CCBE1: variants seen among roughly 807,000 people sequenced by gnomAD.
CCBE1 encodes collagen and calcium binding EGF domains 1, also known as collagen and calcium-binding EGF domain-containing protein 1.
CCBE1 carries 37 observed loss-of-function variants against 50.0 expected under a neutral mutation model. The ratio of observed to expected loss-of-function variants is 0.74; its 90% CI spans 0.57 to 0.97. CCBE1 has a LOEUF of 0.97. CCBE1 is among the 50% of genes least tolerant of loss of function. The pLI is 0.00. For synonymous variants in CCBE1, 234 were observed against 203.7 expected, an observed-to-expected ratio of 1.15 and a Z score of -1.27; for missense variants, 538 against 523.8, an observed-to-expected ratio of 1.03 and a Z score of -0.26.
chr18:59,675,103 T>C (rs1205721365), intron 2 of CCBE1, among the ~76,000 whole-genome samples: 2 of 152,186 alleles, frequency 1.3e-5, no homozygotes, highest in African/African-American at 2.4e-5. Flanking sequence ...AAAGTTAAGA[T>C]AAGTTGTAGC....
At chr18:59,532,121 A>G (rs567337977) in intron 2 of CCBE1, among the ~76,000 whole-genome samples, 2 of 152,272 alleles carry the variant, frequency 1.3e-5, no homozygotes, top group African/African-American at 4.8e-5. Context: ...GCTGGAGGGC[A>G]ATGGCATGAT....
At chr18:59,645,394 A>G (rs2054042983) in intron 2 of CCBE1, among the ~76,000 whole-genome samples, 1 of 152,248 alleles carries the variant, frequency 6.6e-6, no homozygotes, top group Non-Finnish European at 1.5e-5. Flanking sequence ...CACAAACGGC[A>G]GACAAGTCCC....
chr18:59,571,067 G>C (rs543328307), intron 2 of CCBE1, among the ~76,000 whole-genome samples: 2 of 152,268 alleles, frequency 1.3e-5, no homozygotes, highest in South Asian at 4.1e-4. Flanking sequence ...TATAATAGCA[G>C]TCAGTCCCTA....
intron 2 of CCBE1, among the ~76,000 whole-genome samples, chr18:59,533,555 A>G (rs1915131434): frequency 6.6e-6 from 1 of 152,236 alleles, no homozygotes; most frequent in South Asian, 2.1e-4. Context: ...AATAATGTAA[A>G]TAGTTTTAAC....
At chr18:59,579,195 T>A (rs1407220951) in intron 2 of CCBE1, among the ~76,000 whole-genome samples, 1 of 152,184 alleles carries the variant, frequency 6.6e-6, no homozygotes, top group Non-Finnish European at 1.5e-5. Flanking sequence ...ACTGTAATTG[T>A]GTATTTGATA....
rs556246517 is a variant in CCBE1, at chr18:59,618,724, G to A, written c.212+77905C>T. 5.9e-5 allele frequency among the ~76,000 whole-genome samples: 9 copies of A among 152,142 alleles called. No homozygotes were observed. The East Asian group carries it at 1.5e-3, about 26-fold the overall frequency. ...ATTATAGGCATGAGCCACCACACCC[G>A]GCCTAGAAAAGTTTCTTTGCAGCTA... is the stretch of plus-strand genomic sequence containing the variant. On this transcript the variant is annotated intron_variant, in intron 2 of 10. Transcript: ENST00000439986.
intron 2 of CCBE1, among the ~76,000 whole-genome samples, chr18:59,655,010 C>T (rs1262998455): frequency 1.3e-5 from 2 of 148,980 alleles, no homozygotes; most frequent in African/African-American, 4.9e-5. Flanking sequence ...TCACTTAAAC[C>T]TGGGAGGCGG....
intron 2 of CCBE1, among the ~76,000 whole-genome samples, chr18:59,609,890 T>G (rs7227311): frequency 0.41 from 63,082 of 152,034 alleles, 13,534 homozygotes; most frequent in East Asian, 0.65. Flanking sequence ...GATTGGGCAA[T>G]ATTTCCATTT....
At chr18:59,571,734 G>A (rs898480430) in intron 2 of CCBE1, among the ~76,000 whole-genome samples, 1 of 152,184 alleles carries the variant, frequency 6.6e-6, no homozygotes, top group Non-Finnish European at 1.5e-5. Flanking sequence ...GGCTTATAAT[G>A]AGGTTGATTT....
At chr18:59,667,287 T>C (rs2054370469) in intron 2 of CCBE1, among the ~76,000 whole-genome samples, 1 of 152,096 alleles carries the variant, frequency 6.6e-6, no homozygotes, top group African/African-American at 2.4e-5. Context: ...AAAAAATAAA[T>C]AAATAAAGTT....
At chr18:59,619,208 G>C (rs549931554) in intron 2 of CCBE1, among the ~76,000 whole-genome samples, 29 of 152,082 alleles carry the variant, frequency 1.9e-4, no homozygotes, top group African/African-American at 6.8e-4. Flanking sequence ...ATTTTAAAAC[G>C]TTTTATTTTT....
chr18:59,653,662 C>T (rs984780732), intron 2 of CCBE1, among the ~76,000 whole-genome samples: 1 of 152,188 alleles, frequency 6.6e-6, no homozygotes, highest in African/African-American at 2.4e-5. Context: ...AACATTGATG[C>T]TGCTCTATGC....
rs145734168 is a variant in CCBE1, at chr18:59,535,324, A to G, written c.213-55086T>C. On this transcript the variant is annotated intron_variant, in intron 2 of 10. Transcript: ENST00000439986. ...TTTGATAATTTCCTCAGTAGTAATT[A>G]TAGAAATCCAAATTAAAAACACAGT... Among the ~76,000 whole-genome samples, 290 of 152,322 alleles carry G rather than the reference A, an allele frequency of 1.9e-3. 2 individuals carry two copies. The highest frequency in any genetic ancestry group is 6.5e-3 in the African/African-American group (270 of 41,578).
intron 2 of CCBE1, among the ~76,000 whole-genome samples, chr18:59,547,082 A>AGAGG (rs1915727000): frequency 2.4e-5 from 2 of 82,712 alleles, no homozygotes; most frequent in Non-Finnish European, 4.7e-5. Context: ...GGGGAGAGAA[A>AGAGG]GGGAGAGAGA....
At chr18:59,617,054 C>T (rs1460007680) in intron 2 of CCBE1, among the ~76,000 whole-genome samples, 1 of 152,178 alleles carries the variant, frequency 6.6e-6, no homozygotes, top group African/African-American at 2.4e-5. Context: ...GACTGACACC[C>T]AAGATTTAGT....
chr18:59,675,323 C>A (rs1186227979), intron 2 of CCBE1, among the ~76,000 whole-genome samples: 1 of 152,112 alleles, frequency 6.6e-6, no homozygotes, highest in Non-Finnish European at 1.5e-5. Flanking sequence ...CTAAATAGTT[C>A]TATAATCATC....
intron 2 of CCBE1, among the ~76,000 whole-genome samples, chr18:59,615,050 T>C (rs1378161922): frequency 6.6e-6 from 1 of 152,222 alleles, no homozygotes; most frequent in East Asian, 1.9e-4. Context: ...CAACTATGTG[T>C]CCACTTTTCT....
chr18:59,697,501 G>T (rs976746398), upstream of CCBE1: 2 of 928,686 alleles, frequency 2.2e-6, no homozygotes, highest in Non-Finnish European at 3.1e-6. Context: ...GGAATATTAT[G>T]GGGCTGGGGG....
At chr18:59,682,470 A>T (rs934532891) in intron 2 of CCBE1, among the ~76,000 whole-genome samples, 1 of 152,234 alleles carries the variant, frequency 6.6e-6, no homozygotes, top group African/African-American at 2.4e-5. Context: ...CAAGTATATC[A>T]AGATTAAAAT....
Sources: allele counts gnomAD v4.1 joint callset (sites outside exome capture counted in the v4.1 genomes callset), GRCh38; gene constraint gnomAD v4.1.1; transcripts MANE v1.5; gene names NCBI Gene and HGNC (gene_info 2026-07-23, HGNC 2026-07-21).